Variants in CNTN6 observed in about 807,000 individuals in gnomAD.
CNTN6 encodes the protein contactin-6.
In CNTN6, 137 loss-of-function variants were observed where a neutral mutation model predicts 122.8. That is an observed-to-expected ratio of 1.12 (90% CI 0.97 to 1.29). The LOEUF (loss-of-function observed/expected upper bound fraction) is 1.29. Among genes scored for constraint, CNTN6 ranks in the 50% most tolerant of loss-of-function variants. CNTN6 has a pLI of 0.00. For missense variants in CNTN6, 1,634 were observed against 1,223.4 expected (o/e 1.34, Z -5.01); for synonymous variants, 570 against 426.0 (o/e 1.34, Z -4.16).
chr3:1,301,080 A>G (rs947410266), intron 7 of CNTN6, among the ~76,000 whole-genome samples: 1 of 120,004 alleles, frequency 8.3e-6, no homozygotes, highest in African/African-American at 3.3e-5. Flanking sequence ...TCTGTCGCCC[A>G]GGCTGGAGTG....
In CNTN6 at chr3:1,321,754, A is replaced by G. The variant is rs529488434; in HGVS notation, c.866A>G (p.Gln289Arg). 28 of 1,611,960 alleles carry G rather than the reference A, an allele frequency of 1.7e-5. No individual in the cohort carries two copies. The South Asian group carries it at 3.0e-4, about 17-fold the overall frequency. Residue 289 changes from glutamine to arginine, a missense_variant, in exon 8 of 23, where the codon CAA becomes CGA. Transcript: ENST00000446702. Reference sequence around the variant, plus strand: ...ATCCTTGAAATCCCGAACTTCCAACAAGAAGATGAAGGCTTTTATGAGTGC... The same window carrying G: ...ATCCTTGAAATCCCGAACTTCCAACGAGAAGATGAAGGCTTTTATGAGTGC... The part of the protein sequence containing the change: ...QAILEIPNFQ[Q>R]EDEGFYECIA...
intron 11 of CNTN6, among the ~76,000 whole-genome samples, chr3:1,346,497 C>G (rs1704721091): frequency 1.3e-5 from 2 of 152,064 alleles, no homozygotes; most frequent in African/African-American, 4.8e-5. Flanking sequence ...TTAAAAGAGT[C>G]TGGCTTCCTC....
At chr3:1,368,369 T>A (rs571086562) in intron 12 of CNTN6, among the ~76,000 whole-genome samples, 1 of 152,218 alleles carries the variant, frequency 6.6e-6, no homozygotes, top group Non-Finnish European at 1.5e-5. Context: ...AGTTAAATCT[T>A]TTTAGAAAAA....
chr3:1,172,620 C>CTGTGTGTGTGTGTG (rs3836248), intron 2 of CNTN6, among the ~76,000 whole-genome samples: 3 of 150,180 alleles, frequency 2.0e-5, no homozygotes, highest in African/African-American at 7.3e-5. Context: ...CAATAACTCT[C>CTGTGTGTGTGTGTG]TGTGTGTGTG....
At chr3:1,144,073 C>T (rs2092672610) in intron 1 of CNTN6, among the ~76,000 whole-genome samples, 1 of 152,176 alleles carries the variant, frequency 6.6e-6, no homozygotes. Flanking sequence ...CAAATGCAAA[C>T]CTAGCTCATG....
At chr3:1,144,633 G>T (rs920346341) in intron 1 of CNTN6, among the ~76,000 whole-genome samples, 2 of 133,984 alleles carry the variant, frequency 1.5e-5, no homozygotes, top group African/African-American at 5.2e-5. Context: ...GGGGCTTGGG[G>T]CTTGTCGGAT....
intron 2 of CNTN6, among the ~76,000 whole-genome samples, chr3:1,193,058 TAC>T (rs2093725351): frequency 6.6e-6 from 1 of 152,210 alleles, no homozygotes; most frequent in Non-Finnish European, 1.5e-5. Flanking sequence ...ATGTTACATG[TAC>T]ATTAATTTGC....
At chr3:1,097,531 T>C (rs2090595892) in intron 1 of CNTN6, among the ~76,000 whole-genome samples, 1 of 152,202 alleles carries the variant, frequency 6.6e-6, no homozygotes, top group Admixed American at 6.5e-5. Context: ...AAAATGATAG[T>C]GAGAGCAAGA....
At chr3:1,351,329 T>C (rs1345308621) in intron 11 of CNTN6, among the ~76,000 whole-genome samples, 2 of 152,024 alleles carry the variant, frequency 1.3e-5, no homozygotes, top group Non-Finnish European at 2.9e-5. Context: ...GCATGCCAAT[T>C]GTCTAGCCTT....
intron 12 of CNTN6, among the ~76,000 whole-genome samples, chr3:1,355,077 C>T (rs1410871767): frequency 2.6e-5 from 4 of 151,550 alleles, no homozygotes; most frequent in Non-Finnish European, 4.4e-5. Context: ...AAGTTACTTT[C>T]ATGCATTTAC....
At chr3:1,275,414 T>C (rs1408619147) in intron 4 of CNTN6, among the ~76,000 whole-genome samples, 3 of 152,192 alleles carry the variant, frequency 2.0e-5, no homozygotes, top group African/African-American at 7.2e-5. Context: ...TGTTTTGTCT[T>C]TTATGTTCAC....
intron 2 of CNTN6, among the ~76,000 whole-genome samples, chr3:1,171,157 G>A (rs1347785681): frequency 6.6e-6 from 1 of 152,144 alleles, no homozygotes; most frequent in Non-Finnish European, 1.5e-5. Context: ...GGGCTTAAAT[G>A]TCTACTTCTT....
chr3:1,301,267 C>G (rs1697365159), intron 7 of CNTN6, among the ~76,000 whole-genome samples: 1 of 152,012 alleles, frequency 6.6e-6, no homozygotes, highest in Non-Finnish European at 1.5e-5. Flanking sequence ...TAACTCCTGA[C>G]CTCCTGCTCC....
intron 7 of CNTN6, among the ~76,000 whole-genome samples, chr3:1,298,985 T>A (rs1301909196): frequency 6.6e-6 from 1 of 152,202 alleles, no homozygotes; most frequent in Non-Finnish European, 1.5e-5. Flanking sequence ...TCAGTCATAT[T>A]ATTAAGTTAA....
At chr3:1,242,059 C>T (rs184901327) in intron 4 of CNTN6, among the ~76,000 whole-genome samples, 1,672 of 143,450 alleles carry the variant, frequency 0.012, 26 homozygotes, top group African/African-American at 0.037. Context: ...AGAGATCAGT[C>T]GGACACGATT....
At chr3:1,351,509 C>G (rs1575818298) in intron 11 of CNTN6, among the ~76,000 whole-genome samples, 2 of 148,016 alleles carry the variant, frequency 1.4e-5, no homozygotes, top group Non-Finnish European at 3.0e-5. Context: ...TCAGTCTCCT[C>G]TTATTACATT....
chr3:1,128,577 C>T (rs542532884), intron 1 of CNTN6, among the ~76,000 whole-genome samples: 4 of 152,020 alleles, frequency 2.6e-5, no homozygotes, highest in Non-Finnish European at 2.9e-5. Context: ...TATAAATCAA[C>T]GATTATCTAG....
chr3:1,289,774 C>T (rs1003523119), intron 5 of CNTN6, among the ~76,000 whole-genome samples: 2 of 151,356 alleles, frequency 1.3e-5, no homozygotes, highest in South Asian at 4.2e-4. Flanking sequence ...TCCCGGGTTC[C>T]CGCCATTCTC....
rs763314649 is a variant in CNTN6 at position 1,278,477 on chromosome 3, G to C, written c.423G>C (p.Val141=). The change falls in exon 5 of 23, where the codon GTG becomes GTC. Residue 141 remains valine, a synonymous_variant. Transcript: ENST00000446702. ...TVSVREGQGV[V]LLCGPPPHFG... ...CTGTCCGAGAAGGTCAAGGTGTGGT[G>C]CTTCTCTGTGGCCCACCGCCACATT... 2 of 1,612,470 alleles carry C rather than the reference G, an allele frequency of 1.2e-6. No individual in the cohort carries two copies. The highest frequency in any genetic ancestry group is 1.7e-6 in the Non-Finnish European group (2 of 1,178,884).
Sources: gnomAD v4.1 joint callset for allele counts (sites outside exome capture counted in the v4.1 genomes callset) on GRCh38, gnomAD v4.1.1 for gene constraint, MANE v1.5 for transcripts, NCBI Gene and HGNC (gene_info 2026-07-23, HGNC 2026-07-21) for gene names.